Variants in DCAF6 observed in about 807,000 individuals in gnomAD.
The protein encoded by DCAF6 is DDB1 and CUL4 associated factor 6, also known as DDB1- and CUL4-associated factor 6.
DCAF6 carries 54 observed loss-of-function variants against 125.1 expected under a neutral mutation model. That is an observed-to-expected ratio of 0.43 (90% CI 0.35 to 0.54). The LOEUF is 0.54. Among genes scored for constraint, DCAF6 ranks in the 20% least tolerant of loss-of-function variants. DCAF6 has a pLI of 0.01. For missense variants in DCAF6, 934 were observed against 1,161.7 expected (o/e 0.80, Z 2.85); for synonymous variants, 371 against 390.4 (o/e 0.95, Z 0.58).
chr1:167,935,884 T>C, upstream of DCAF6: 1 of 1,438,314 alleles, frequency 7.0e-7, no homozygotes, highest in South Asian at 1.2e-5. Context: ...AGCGTGGCTG[T>C]GTTCTCGTCC....
chr1:167,926,176 G>T, the DCAF6 span, among the ~76,000 whole-genome samples: 1 of 152,100 alleles, frequency 6.6e-6, no homozygotes. Context: ...TCTTGTGTAC[G>T]TTCGAATTTT....
At chr1:167,966,818 A>G (rs1676487823) in intron 3 of DCAF6, 97 bp downstream of exon 3, 1 of 738,598 alleles carries the variant, frequency 1.4e-6, no homozygotes, top group Non-Finnish European at 2.3e-6. Flanking sequence ...GGGCATTTAT[A>G]TTAGAATATC....
Position 168,017,250 on chromosome 1 carries a change from C to T in DCAF6, c.1549+1299C>T, listed in dbSNP as rs141677063. The stretch of plus-strand genomic sequence containing the variant: ...TGTTTTTTTTTTTGCTGTATATAAA[C>T]GTCTAGCAAACATGTTTTGAAGGTT... On this transcript the variant is annotated intron_variant, in intron 11 of 21. Coordinates refer to ENST00000367840, the MANE Select transcript of DCAF6 (RefSeq NM_001198956.2). Among the ~76,000 whole-genome samples, 578 of 148,834 alleles carry T rather than the reference C, an allele frequency of 3.9e-3. 3 individuals carry two copies. The highest frequency in any genetic ancestry group is 0.013 in the African/African-American group (543 of 40,558).
At chr1:167,880,129 C>A in the DCAF6 span, 1 of 1,612,684 alleles carries the variant, frequency 6.2e-7, no homozygotes, top group Non-Finnish European at 8.5e-7. Flanking sequence ...GTACTCGTGT[C>A]TCACAGTGTG....
At chr1:167,876,640 G>A in the DCAF6 span, among the ~76,000 whole-genome samples, 1 of 152,186 alleles carries the variant, frequency 6.6e-6, no homozygotes, top group Non-Finnish European at 1.5e-5. Context: ...TATCTGCAGA[G>A]GTGGTACAGA....
At chr1:168,055,218 G>A (rs913614503) in intron 17 of DCAF6, among the ~76,000 whole-genome samples, 1 of 151,528 alleles carries the variant, frequency 6.6e-6, no homozygotes, top group East Asian at 2.0e-4. Flanking sequence ...ATATAGAAAT[G>A]TAATAATTGT....
At chr1:168,073,679 G>A (rs567642800) in intron 21 of DCAF6, among the ~76,000 whole-genome samples, 2 of 151,998 alleles carry the variant, frequency 1.3e-5, no homozygotes, top group South Asian at 4.2e-4. Flanking sequence ...TTTGAGATAG[G>A]CCGTTACTGC....
chr1:167,882,601 T>G, the DCAF6 span, among the ~76,000 whole-genome samples: 1 of 152,046 alleles, frequency 6.6e-6, no homozygotes, highest in Non-Finnish European at 1.5e-5. Flanking sequence ...GCAAGTGGGC[T>G]TTCTTGGAAA....
At chr1:168,058,711 G>A (rs1208328214) in intron 17 of DCAF6, among the ~76,000 whole-genome samples, 1 of 152,156 alleles carries the variant, frequency 6.6e-6, no homozygotes, top group Non-Finnish European at 1.5e-5. Flanking sequence ...TGGGATTACA[G>A]GTGCATGCCA....
At position 168,072,142 on chromosome 1, in the gene DCAF6, C is replaced by G. The variant is rs1693122891; in HGVS notation, c.2792-3229C>G. On this transcript the variant is annotated intron_variant, in intron 21 of 21. Transcript: ENST00000367840. ...GAAATCCCATCTGTACTGAAAAATA[C>G]AAAAATTAGCTGGGTGTGGTGGCGC... 2.0e-5 allele frequency among the ~76,000 whole-genome samples: 3 copies of G among 151,376 alleles called. No homozygotes were observed. In the South Asian group the frequency reaches 6.3e-4, roughly 32 times the overall value.
the DCAF6 span, among the ~76,000 whole-genome samples, chr1:167,896,410 T>C: frequency 6.6e-6 from 1 of 152,096 alleles, no homozygotes; most frequent in Non-Finnish European, 1.5e-5. Context: ...AGGTGGATGG[T>C]GTGGGGAGTG....
intron 17 of DCAF6, among the ~76,000 whole-genome samples, chr1:168,063,345 G>C (rs531306785): frequency 6.6e-6 from 1 of 152,140 alleles, no homozygotes; most frequent in Non-Finnish European, 1.5e-5. Flanking sequence ...TTATAAAATA[G>C]CCCTTTAAAA....
At chr1:168,053,588 A>G (rs1330556209) in intron 17 of DCAF6, among the ~76,000 whole-genome samples, 1 of 152,216 alleles carries the variant, frequency 6.6e-6, no homozygotes, top group Non-Finnish European at 1.5e-5. Flanking sequence ...AGTGTTCCAA[A>G]GTTCTCCCTT....
At chr1:168,053,476 T>G (rs553848049) in intron 17 of DCAF6, among the ~76,000 whole-genome samples, 54 of 152,316 alleles carry the variant, frequency 3.5e-4, no homozygotes, top group Non-Finnish European at 5.3e-4. Context: ...CACAGTTGAT[T>G]GCTTGCTACA....
At chr1:168,009,387 C>CTTTCTTTCTTTCTCTCTCTCTCTTTTG (rs1683896189) in intron 10 of DCAF6, among the ~76,000 whole-genome samples, 1 of 132,080 alleles carries the variant, frequency 7.6e-6, no homozygotes, top group Non-Finnish European at 1.6e-5. Context: ...TCCTTCCTTC[C>CTTTCTTTCTTTCTCTCTCTCTCTTTTG]TTTCTTTCTT....
intron 12 of DCAF6, among the ~76,000 whole-genome samples, chr1:168,025,698 T>A (rs994051133): frequency 6.6e-6 from 1 of 152,226 alleles, no homozygotes. Context: ...TCTCCTAGAT[T>A]AATGGAATAA....
intron 16 of DCAF6, among the ~76,000 whole-genome samples, chr1:168,050,085 C>G (rs977394910): frequency 1.3e-5 from 2 of 148,624 alleles, no homozygotes; most frequent in African/African-American, 5.0e-5. Flanking sequence ...AAACAAGCAT[C>G]TAAGAAAGCT....
In DCAF6 at chr1:168,043,030, G is replaced by A. The variant is rs1177717658; in HGVS notation, c.1733G>A (p.Ser578Asn). Residue 578 changes from serine (S) to asparagine (N), a missense_variant, in exon 14 of 22, where the codon AGT (serine) becomes AAT (asparagine). Transcript: ENST00000367840. ...IKLNFTDEWS[S>N]IASSSRGIGS... ...TTATCTTGTTTTGATGATAGGAGCAGTATAGCATCAAGTTCTAGAGGAATT... is the reference window on the plus strand; with the variant it reads ...TTATCTTGTTTTGATGATAGGAGCAATATAGCATCAAGTTCTAGAGGAATT... 6.2e-7 allele frequency: 1 copy of A among 1,606,018 alleles called. No individual in the cohort carries two copies. The highest frequency in any genetic ancestry group is 8.5e-7 in the Non-Finnish European group (1 of 1,173,434).
chr1:167,970,825 T>C (rs965019692), intron 3 of DCAF6, among the ~76,000 whole-genome samples: 2 of 152,034 alleles, frequency 1.3e-5, no homozygotes, highest in East Asian at 3.8e-4. Flanking sequence ...CTTAGTTTTT[T>C]AAAAAAATAG....
Sources: gnomAD v4.1 joint callset for allele counts (sites outside exome capture counted in the v4.1 genomes callset) on GRCh38, gnomAD v4.1.1 for gene constraint, MANE v1.5 for transcripts, NCBI Gene and HGNC (gene_info 2026-07-23, HGNC 2026-07-21) for gene names.